Variants in ANO3 observed in about 807,000 individuals in gnomAD.
The protein encoded by ANO3 is anoctamin-3.
Under a neutral mutation model 144.8 loss-of-function variants are expected in ANO3, and 99 were observed. The observed-to-expected ratio is 0.68, with a 90% CI of 0.58 to 0.81. The LOEUF is 0.81. ANO3 is among the 30% of genes least tolerant of loss of function. The pLI is 0.00. For missense variants in ANO3, 905 were observed against 1,202.2 expected (o/e 0.75, Z 3.66); for synonymous variants, 414 against 392.6 (o/e 1.05, Z -0.64).
rs144316755 is a variant in ANO3, at chr11:26,475,098, G to A, written c.432+11950G>A. Among the ~76,000 whole-genome samples the A allele has an allele frequency of 4.5e-3, 679 of 151,738 alleles. 5 individuals are homozygous for A. Among genetic ancestry groups the A allele is most frequent in the Middle Eastern group, 6.9e-3 (2 of 290 alleles). On this transcript the variant is annotated intron_variant, in intron 4 of 26. Coordinates refer to ENST00000256737, the MANE Select transcript of ANO3 (RefSeq NM_031418.4). ...ATTTAAATAAAAAGTAAAAATTGGTGGAAAGAGAATAATATAAGATGGTCT... is the reference window on the plus strand; with the variant it reads ...ATTTAAATAAAAAGTAAAAATTGGTAGAAAGAGAATAATATAAGATGGTCT...
At chr11:26,560,304 T>TA (rs1850237075) in intron 14 of ANO3, 1 of 152,166 alleles carries the variant, frequency 6.6e-6, no homozygotes, top group African/African-American at 2.4e-5. Flanking sequence ...TTTTTTTTTT[T>TA]ACCATGATTC....
At chr11:26,629,494 G>C (rs900229255) in intron 18 of ANO3, among the ~76,000 whole-genome samples, 7 of 152,144 alleles carry the variant, frequency 4.6e-5, no homozygotes, top group Admixed American at 1.3e-4. Flanking sequence ...TCAATCCTTA[G>C]GTACAAAGTT....
chr11:26,312,114 G>A (rs569646943), intron 1 of ANO3, among the ~76,000 whole-genome samples: 13 of 152,288 alleles, frequency 8.5e-5, no homozygotes, highest in South Asian at 2.1e-4. Flanking sequence ...CTGTCCTTGC[G>A]ATAGTTTGCT....
intron 4 of ANO3, among the ~76,000 whole-genome samples, chr11:26,506,960 T>C (rs564817805): frequency 6.6e-6 from 1 of 152,282 alleles, no homozygotes; most frequent in South Asian, 2.1e-4. Flanking sequence ...TCCCCAGACA[T>C]TGGAAAGCAT....
At chr11:26,257,019 T>A (rs1410792230) in intron 1 of ANO3, among the ~76,000 whole-genome samples, 1 of 152,060 alleles carries the variant, frequency 6.6e-6, no homozygotes, top group Non-Finnish European at 1.5e-5. Context: ...ATGTGAACAA[T>A]GCAGATCAAA....
At chr11:26,289,291 C>A (rs557071565) in intron 1 of ANO3, among the ~76,000 whole-genome samples, 3 of 151,908 alleles carry the variant, frequency 2.0e-5, no homozygotes, top group South Asian at 4.2e-4. Flanking sequence ...AAGCAACTAA[C>A]TTCATTTTTT....
chr11:26,373,402 T>G (rs1856316826), intron 1 of ANO3, among the ~76,000 whole-genome samples: 2 of 152,192 alleles, frequency 1.3e-5, no homozygotes, highest in Non-Finnish European at 2.9e-5. Flanking sequence ...CCTGCCACCT[T>G]GTGAAGAATG....
chr11:26,407,074 G>GTATA (rs1366416693), intron 1 of ANO3, among the ~76,000 whole-genome samples: 252 of 101,622 alleles, frequency 2.5e-3, no homozygotes, highest in African/African-American at 7.3e-3. Context: ...GTGTGTGTGT[G>GTATA]TGTATATATA....
At chr11:26,465,993 A>G (rs1859589683) in intron 4 of ANO3, among the ~76,000 whole-genome samples, 1 of 152,000 alleles carries the variant, frequency 6.6e-6, no homozygotes, top group African/African-American at 2.4e-5. Context: ...CATGTTATTT[A>G]TACTGAAATT....
At chr11:26,402,964 G>T in intron 1 of ANO3, among the ~76,000 whole-genome samples, 1 of 151,922 alleles carries the variant, frequency 6.6e-6, no homozygotes, top group East Asian at 1.9e-4. Context: ...CATCATAATT[G>T]TTTGATATGT....
intron 1 of ANO3, among the ~76,000 whole-genome samples, chr11:26,366,764 CAT>C (rs529186663): frequency 0.028 from 4,147 of 147,796 alleles, 121 homozygotes; most frequent in African/African-American, 0.067. Flanking sequence ...CTGTTGGCTG[CAT>C]AAATGTCTTC....
chr11:26,285,987 T>C (rs1329761627), intron 1 of ANO3: 1 of 152,096 alleles, frequency 6.6e-6, no homozygotes, highest in Non-Finnish European at 1.5e-5. Flanking sequence ...GTGTTGTGAG[T>C]TATTAAAGGT....
chr11:26,651,471 GA>G (rs1381416226), intron 24 of ANO3, among the ~76,000 whole-genome samples: 1 of 152,104 alleles, frequency 6.6e-6, no homozygotes, highest in African/African-American at 2.4e-5. Flanking sequence ...AACCAGATAT[GA>G]GAACCTAGCC....
In ANO3 at chr11:26,507,458, T is replaced by C. The variant is rs575930423; in HGVS notation, c.433-646T>C. 5.3e-5 allele frequency among the ~76,000 whole-genome samples: 8 copies of C among 152,348 alleles called. No individual in the cohort carries two copies. The South Asian group carries it at 6.2e-4, about 12-fold the overall frequency. ...AAGCAGTTTGTTTTGAAAAGTAAGC[T>C]GTTCTAGTTGGTTTGCAGTCATATA... On this transcript the variant is annotated intron_variant, in intron 4 of 26. Transcript: ENST00000256737.
intron 1 of ANO3, among the ~76,000 whole-genome samples, chr11:26,200,841 T>A (rs571975613): frequency 6.6e-6 from 1 of 152,260 alleles, no homozygotes; most frequent in East Asian, 1.9e-4. Context: ...ATAACAGAAA[T>A]TTTTAAAAAA....
chr11:26,332,104 C>G (rs951227717), upstream of ANO3: 15 of 1,484,972 alleles, frequency 1.0e-5, no homozygotes, highest in Admixed American at 3.2e-4. Flanking sequence ...GTTCCCATGA[C>G]AACGACACCG....
At chr11:26,420,477 T>C (rs1191909863) in intron 1 of ANO3, among the ~76,000 whole-genome samples, 1 of 152,084 alleles carries the variant, frequency 6.6e-6, no homozygotes. Context: ...TCTCATGAAC[T>C]GTAGCTACTG....
intron 14 of ANO3, chr11:26,567,239 A>G (rs1221648052): frequency 6.9e-6 from 5 of 727,302 alleles, no homozygotes; most frequent in Non-Finnish European, 9.9e-6. Flanking sequence ...TTTACTTTAA[A>G]AAAATAGACT....
At chr11:26,407,072 GTGTGTATA>G (rs1857305645) in intron 1 of ANO3, among the ~76,000 whole-genome samples, 1 of 101,426 alleles carries the variant, frequency 9.9e-6, no homozygotes, top group African/African-American at 3.1e-5. Flanking sequence ...GTGTGTGTGT[GTGTGTATA>G]TATATATATA....
Sources: allele counts gnomAD v4.1 joint callset (sites outside exome capture counted in the v4.1 genomes callset), GRCh38; gene constraint gnomAD v4.1.1; transcripts MANE v1.5; gene names NCBI Gene and HGNC (gene_info 2026-07-23, HGNC 2026-07-21).